CA11: variants seen among roughly 807,000 people sequenced by gnomAD.
CA11 encodes carbonic anhydrase 11 (inactive).
A neutral mutation model predicts 39.3 loss-of-function variants in CA11; 20 were observed. The observed-to-expected ratio is 0.51, with a 90% CI of 0.36 to 0.74. The LOEUF (loss-of-function observed/expected upper bound fraction) is 0.74. Among genes scored for constraint, CA11 ranks in the 30% least tolerant of loss-of-function variants. CA11 has a pLI of 0.00. For synonymous variants in CA11, 166 were observed against 172.5 expected (o/e 0.96, Z 0.29); for missense variants, 336 against 424.6 (o/e 0.79, Z 1.83).
In CA11 at chr19:48,638,096, G is replaced by A; in HGVS notation, c.*23C>T. ...CTTGTGGGGAGGCTTAGGACGGGCG[G>A]GTGCAATCCTCGAAGGGGAGTCTCA... On this transcript the variant is annotated 3_prime_UTR_variant, in exon 9 of 9. Coordinates refer to ENST00000084798, the MANE Select transcript of CA11 (RefSeq NM_001217.5). The A allele has an allele frequency of 6.9e-7, 1 of 1,453,176 alleles. No individual in the cohort carries two copies. 90.0% of individuals were successfully genotyped at this position (1,453,176 alleles called of 1,614,324 possible). A position where few individuals can be genotyped will look rare whatever the true frequency, so the allele number is the denominator to read the frequency against.
Position 48,639,544 on chromosome 19 carries a change from C to G in CA11, c.640+5G>C, listed in dbSNP as rs1395297194. 1.2e-6 allele frequency: 2 copies of G among 1,614,052 alleles called. No homozygotes were observed. ...ACCACTGCCCCCAGCACGCCAGGGA[C>G]TTACTCTTGTAGGAGATGCGAGTGA... On this transcript the variant is annotated splice_donor_5th_base_variant and intron_variant, in intron 6 of 8. Coordinates refer to ENST00000084798, the MANE Select transcript of CA11 (RefSeq NM_001217.5).
rs1470126754 is a variant in CA11, at chr19:48,645,554, C to T, written c.67+12G>A. 6.2e-7 allele frequency: 1 copy of T among 1,602,894 alleles called. No individual in the cohort carries two copies. The highest frequency in any genetic ancestry group is 8.5e-7 in the Non-Finnish European group (1 of 1,174,864). The stretch of plus-strand genomic sequence containing the variant: ...TCCCTCGGGGGCTCCTCCCGGGAAC[C>T]CCAGGTCTTACCTGCTGCCCCCAGT... On this transcript the variant is annotated intron_variant, in intron 1 of 8. Transcript: ENST00000084798.
intron 7 of CA11, 112 bp from the exon 8 acceptor site, chr19:48,639,165 A>G (rs2030975750): frequency 2.0e-6 from 3 of 1,515,040 alleles, no homozygotes; most frequent in South Asian, 1.2e-5. Context: ...TCTCAGCCCC[A>G]CCCACCCCCA....
chr19:48,640,988 T>TG (rs11428934), intron 3 of CA11, among the ~76,000 whole-genome samples: 80,934 of 148,176 alleles, frequency 0.55, 25,595 homozygotes, highest in Middle Eastern at 0.77. Context: ...GTTTTTGTTT[T>TG]TTTTTTTTTT....
intron 8 of CA11, 22 bp downstream of exon 8, chr19:48,638,862 TAGAG>T (rs781456966): frequency 1.9e-6 from 3 of 1,539,916 alleles, no homozygotes; most frequent in Non-Finnish European, 1.7e-6. Flanking sequence ...GCCCAAGACT[TAGAG>T]GGGGTGCAGA....
chr19:48,644,045 T>G (rs1048163514), intron 3 of CA11, among the ~76,000 whole-genome samples: 2 of 151,856 alleles, frequency 1.3e-5, no homozygotes, highest in African/African-American at 4.8e-5. Flanking sequence ...TGCAGTGAGC[T>G]GAGATCACAT....
Position 48,639,581 on chromosome 19 carries a change from T to G in CA11, c.608A>C (p.Asn203Thr), listed in dbSNP as rs1294654652. 1 of 1,613,692 alleles carries G rather than the reference T, an allele frequency of 6.2e-7. No individual in the cohort carries two copies. The highest frequency in any genetic ancestry group is 1.1e-5 in the South Asian group (1 of 91,060). Reference sequence around the variant, plus strand: ...GGAGATGCGAGTGATGGTGTCGCGGTTAAGGAGGCGACTGAGGAATGGGTT... The same window carrying G: ...GGAGATGCGAGTGATGGTGTCGCGGGTAAGGAGGCGACTGAGGAATGGGTT... The part of the protein sequence containing the change: ...TSNPFLSRLL[N>T]RDTITRISYK... Residue 203 changes from asparagine to threonine, a missense_variant, in exon 6 of 9, where the codon AAC (asparagine) becomes ACC (threonine). Physicochemically the swap from Asn to Thr is moderately conservative, Grantham distance 65. Transcript: ENST00000084798.
chr19:48,639,929 G>A (rs2031014390), intron 4 of CA11, 46 bp from the exon 5 acceptor site: 2 of 1,576,072 alleles, frequency 1.3e-6, no homozygotes, highest in Non-Finnish European at 1.7e-6. Flanking sequence ...AAGGGGAGGA[G>A]AGCATGACCC....
At chr19:48,638,174 G>C in intron 8 of CA11, 30 bp from the exon 9 acceptor site, 1 of 1,283,580 alleles carries the variant, frequency 7.8e-7, no homozygotes. Context: ...GGCAGGGGGC[G>C]TCAGTATAGG....
Position 48,643,690 on chromosome 19 carries a change from C to G in CA11, c.285+737G>C, listed in dbSNP as rs1007585628. Among the ~76,000 whole-genome samples, 1 of 151,728 alleles carries G rather than the reference C, an allele frequency of 6.6e-6. No individual in the cohort carries two copies. Among genetic ancestry groups the G allele is most frequent in the African/African-American group, 2.4e-5 (1 of 41,286 alleles). On this transcript the variant is annotated intron_variant, in intron 3 of 8. Coordinates refer to ENST00000084798, the MANE Select transcript of CA11 (RefSeq NM_001217.5). The surrounding 1 kb of genome is among the most constrained non-coding windows in gnomAD (Gnocchi z 4.3). ...GTACTATAAAGCAGGTCCCAGCATT[C>G]ATGCTACGCTGCTTGGTTTGAATGC...
chr19:48,639,707 C>T (rs946751825), intron 5 of CA11, 81 bp downstream of exon 5: 1 of 1,577,358 alleles, frequency 6.3e-7, no homozygotes, highest in Non-Finnish European at 8.7e-7. Flanking sequence ...GGAGTCTGGG[C>T]CTCCCAGCAC....
intron 8 of CA11, 93 bp from the exon 9 acceptor site, chr19:48,638,237 T>G: frequency 1.3e-5 from 15 of 1,191,084 alleles, no homozygotes; most frequent in East Asian, 3.5e-5. Flanking sequence ...CGCTGGGCCC[T>G]ACCGTCGGAA....
At chr19:48,638,172 G>A (rs1466653398) in intron 8 of CA11, 28 bp from the exon 9 acceptor site, 10 of 1,315,494 alleles carry the variant, frequency 7.6e-6, no homozygotes, top group Non-Finnish European at 7.9e-6. Context: ...ACGGCAGGGG[G>A]CGTCAGTATA....
rs1170360810 is a variant in CA11 at position 48,645,574 on chromosome 19, C to T, written c.59G>A (p.Gly20Glu). ...GGAACCCCAGGTCTTACCTGCTGCC[C>T]CCAGTGCAGCCCAGAGTACCAGCGC... ...PRALVLWAAL[G>E]AAAHIGPAPD... The change falls in exon 1 of 9, where the codon GGG becomes GAG. Residue 20 changes from glycine (G) to glutamate (E), a missense_variant. Physicochemically the swap from Gly to Glu is moderately conservative, Grantham distance 98. Transcript: ENST00000084798. 6.2e-7 allele frequency: 1 copy of T among 1,604,654 alleles called. No individual in the cohort carries two copies. The highest frequency in any genetic ancestry group is 1.7e-5 in the Admixed American group (1 of 58,734).
chr19:48,640,629 C>T (rs1415689125), intron 3 of CA11, among the ~76,000 whole-genome samples: 1 of 151,858 alleles, frequency 6.6e-6, no homozygotes, highest in Non-Finnish European at 1.5e-5. Context: ...CCGCCTCAGC[C>T]TCCCAAAGTG....
intron 5 of CA11, 70 bp from the exon 6 acceptor site, chr19:48,639,691 G>A (rs2031003619): frequency 6.3e-7 from 1 of 1,588,266 alleles, no homozygotes; most frequent in South Asian, 1.1e-5. Flanking sequence ...CCTCCCCCAG[G>A]ACCCAGGAGT....
chr19:48,639,217 G>A, intron 7 of CA11, 88 bp downstream of exon 7: 1 of 1,557,438 alleles, frequency 6.4e-7, no homozygotes, highest in East Asian at 2.2e-5. Context: ...CAGTCTATGA[G>A]GAGAGGGAGG....
rs1390628372 is a variant in CA11, at chr19:48,639,064, AG to A, written c.796-12del. 1 of 1,613,756 alleles carries A rather than the reference AG, an allele frequency of 6.2e-7. No individual in the cohort carries two copies. The highest frequency in any genetic ancestry group is 8.5e-7 in the Non-Finnish European group (1 of 1,179,852). On this transcript the variant is annotated splice_polypyrimidine_tract_variant and intron_variant, in intron 7 of 8. Coordinates refer to ENST00000084798, the MANE Select transcript of CA11 (RefSeq NM_001217.5). ...TCTCAGGGAGTGCATCTGCAGTGGA[AG>A]GAGGGTGGGAAACTGGGAGTGAATA...
In CA11 at chr19:48,645,909, C is replaced by T. The variant is rs992410600; in HGVS notation, c.-277G>A. 1.8e-5 allele frequency: 9 copies of T among 487,272 alleles called. No homozygotes were observed. The highest frequency in any genetic ancestry group is 3.2e-5 in the Non-Finnish European group (9 of 279,236). 30.2% of individuals were successfully genotyped at this position (487,272 alleles called of 1,614,324 possible). A position where few individuals can be genotyped will look rare whatever the true frequency, so the allele number is the denominator to read the frequency against. On this transcript the variant is annotated 5_prime_UTR_variant, in exon 1 of 9. Coordinates refer to ENST00000084798, the MANE Select transcript of CA11 (RefSeq NM_001217.5). ...CCCTCTAGCTCCTGATCTTCCTACT[C>T]CTCTCAGCCTTCTGCTGCCCCCAGG...
Sources: gnomAD v4.1 joint callset for allele counts (sites outside exome capture counted in the v4.1 genomes callset) on GRCh38, gnomAD v4.1.1 for gene constraint, Gnocchi (gnomAD v3.1) non-coding constraint, MANE v1.5 for transcripts, NCBI Gene and HGNC (gene_info 2026-07-23, HGNC 2026-07-21) for gene names.